The following VDR variants were observed in gnomAD, a reference collection of about 807,000 sequenced individuals.
VDR encodes the protein vitamin D3 receptor.
A neutral mutation model predicts 39.7 loss-of-function variants in VDR; 19 were observed. The ratio of observed to expected loss-of-function variants is 0.48; its 90% CI spans 0.33 to 0.70. The LOEUF (loss-of-function observed/expected upper bound fraction) is 0.70, where lower values mean the gene tolerates loss of function less well. Among genes scored for constraint, VDR ranks in the 30% least tolerant of loss-of-function variants. VDR has a pLI of 0.02. For missense variants in VDR, 442 were observed against 570.5 expected (o/e 0.77, Z 2.29); for synonymous variants, 242 against 215.8 (o/e 1.12, Z -1.07).
chr12:47,863,401 T>G (rs947635408), intron 4 of VDR, among the ~76,000 whole-genome samples: 1 of 152,192 alleles, frequency 6.6e-6, no homozygotes, highest in South Asian at 2.1e-4. Context: ...CCTGTGGCAG[T>G]GCCTTACGAA....
Position 47,844,536 on chromosome 12 carries a change from G to A in VDR, c.*210C>T. ...GTCAAACAAACAGCAACTCCTCATG[G>A]CTGAGGTCTCAAGGGACCGGGGAAA... On this transcript the variant is annotated 3_prime_UTR_variant, in exon 10 of 10. Coordinates refer to ENST00000549336, the MANE Select transcript of VDR (RefSeq NM_000376.3). 1 of 670,092 alleles carries A rather than the reference G, an allele frequency of 1.5e-6. No homozygotes were observed. The highest frequency in any genetic ancestry group is 2.5e-6 in the Non-Finnish European group (1 of 399,220). The allele number at this position is 670,092 out of a possible 1,614,324, so 41.5% of individuals were successfully genotyped here.
chr12:47,865,139 A>C lies in VDR; in HGVS notation c.185T>G (p.Phe62Cys). The change falls in exon 4 of 10, where the codon TTC (phenylalanine) becomes TGC (cysteine). Residue 62 changes from phenylalanine (F) to cysteine (C), a missense_variant. By Grantham distance (205) the Phe-to-Cys change is radical. Transcript: ENST00000549336. ...MKRKALFTCP[F>C]NGDCRITKDN... ...CTTGGTGATGCGGCAGTCCCCGTTG[A>C]AGGGGCAGGTGAATAGTGCCTTCCG... is the stretch of plus-strand genomic sequence containing the variant. The C allele has an allele frequency of 6.2e-7, 1 of 1,613,618 alleles. No homozygotes were observed. The highest frequency in any genetic ancestry group is 8.5e-7 in the Non-Finnish European group (1 of 1,179,644).
At chr12:47,854,442 G>A (rs1483804270) in intron 7 of VDR, among the ~76,000 whole-genome samples, 1 of 152,146 alleles carries the variant, frequency 6.6e-6, no homozygotes, top group Non-Finnish European at 1.5e-5. Context: ...GTCTTTAAAT[G>A]TACATTTTGG....
chr12:47,892,364 G>T (rs1384232319), intron 1 of VDR, among the ~76,000 whole-genome samples: 1 of 152,164 alleles, frequency 6.6e-6, no homozygotes, highest in Non-Finnish European at 1.5e-5. Flanking sequence ...CACTTTCAAG[G>T]GCAGCAGCAG....
intron 1 of VDR, chr12:47,896,647 C>T (rs1946470017): frequency 6.6e-6 from 1 of 152,166 alleles, no homozygotes; most frequent in Non-Finnish European, 1.5e-5. Flanking sequence ...GACACCCAAC[C>T]TCGAATTAGT....
chr12:47,844,642 C>A lies in VDR; in HGVS notation c.*104G>T. ...GGGAGGTGGCAGAGGAGGGGCTGAA[C>A]CCCAGACGGGGTGAGGAGGGCTGCT... On this transcript the variant is annotated 3_prime_UTR_variant, in exon 10 of 10. Coordinates refer to ENST00000549336, the MANE Select transcript of VDR (RefSeq NM_000376.3). 1 of 1,534,242 alleles carries A rather than the reference C, an allele frequency of 6.5e-7. No individual in the cohort carries two copies. The highest frequency in any genetic ancestry group is 1.2e-5 in the South Asian group (1 of 86,744).
At chr12:47,871,339 TTTC>T (rs1191292840) in intron 3 of VDR, among the ~76,000 whole-genome samples, 1 of 145,798 alleles carries the variant, frequency 6.9e-6, no homozygotes, top group African/African-American at 2.6e-5. Flanking sequence ...TCTTTCTTTC[TTTC>T]TTTCTTTCTT....
intron 1 of VDR, among the ~76,000 whole-genome samples, chr12:47,885,114 C>A (rs1277572544): frequency 6.6e-6 from 1 of 152,198 alleles, no homozygotes. Flanking sequence ...GAACATCCCA[C>A]TGCTTTTGCT....
chr12:47,879,011 G>GA lies in VDR; in HGVS notation c.102dup (p.His35SerfsTer8). ...CCTTCACAGGTCATAGCATTGAAGT[G>GA]AAAGCCAGTGGCTCGGTCTCCACAC... On this transcript the variant is annotated frameshift_variant, in exon 3 of 10. Transcript: ENST00000549336. LOFTEE classifies it high-confidence loss of function. 1 of 1,614,220 alleles carries GA rather than the reference G, an allele frequency of 6.2e-7. No homozygotes were observed. Among genetic ancestry groups the GA allele is most frequent in the East Asian group, 2.2e-5 (1 of 44,890 alleles).
intron 1 of VDR, among the ~76,000 whole-genome samples, chr12:47,903,528 G>A (rs1198341008): frequency 6.6e-6 from 1 of 152,148 alleles, no homozygotes; most frequent in Admixed American, 6.5e-5. Flanking sequence ...GGGAAGGGAC[G>A]GCAGGTCTCT....
chr12:47,849,658 C>G (rs901463469), intron 7 of VDR, among the ~76,000 whole-genome samples: 3 of 152,200 alleles, frequency 2.0e-5, no homozygotes, highest in Non-Finnish European at 4.4e-5. Flanking sequence ...TCACTTTTCT[C>G]TAGATGCTCA....
intron 2 of VDR, among the ~76,000 whole-genome samples, chr12:47,881,393 C>T (rs555487421): frequency 1.1e-4 from 16 of 152,206 alleles, no homozygotes; most frequent in African/African-American, 3.9e-4. Context: ...ACTATGCTCG[C>T]TACCTGGGAG....
intron 7 of VDR, among the ~76,000 whole-genome samples, chr12:47,853,175 G>A (rs1282960660): frequency 2.6e-5 from 4 of 152,204 alleles, no homozygotes; most frequent in Non-Finnish European, 5.9e-5. Flanking sequence ...GCCGGCAGTG[G>A]CTCATGCCTG....
chr12:47,892,918 T>C (rs1237677907), intron 1 of VDR, among the ~76,000 whole-genome samples: 2 of 151,950 alleles, frequency 1.3e-5, no homozygotes, highest in African/African-American at 4.8e-5. Context: ...TTTAATGTGG[T>C]GTGGTAAGAG....
intron 7 of VDR, among the ~76,000 whole-genome samples, chr12:47,854,072 T>G (rs1945437824): frequency 6.6e-6 from 1 of 152,228 alleles, no homozygotes; most frequent in African/African-American, 2.4e-5. Context: ...TAGAACTCCT[T>G]ATACTTATAT....
chr12:47,894,935 C>T (rs570034188), intron 1 of VDR, among the ~76,000 whole-genome samples: 18 of 152,218 alleles, frequency 1.2e-4, no homozygotes, highest in Non-Finnish European at 1.5e-4. Context: ...GGAAGGCCCG[C>T]GGGAGCCAGG....
Position 47,865,240 on chromosome 12 carries a change from A to T in VDR, c.147-63T>A, listed in dbSNP as rs1592117474. 8.1e-6 allele frequency: 13 copies of T among 1,597,350 alleles called. No homozygotes were observed. In the South Asian group the frequency reaches 1.2e-4, roughly 15 times the overall value. On this transcript the variant is annotated intron_variant, in intron 3 of 9. Transcript: ENST00000549336. ...ACTTCCGGCTCCTCACCCTGTCATC[A>T]CGGAGACCTGTCTTCTGGGCCCCCT...
At chr12:47,891,861 C>T (rs113891389) in intron 1 of VDR, among the ~76,000 whole-genome samples, 137 of 152,322 alleles carry the variant, frequency 9.0e-4, no homozygotes, top group African/African-American at 3.2e-3. Flanking sequence ...GATGCCGATG[C>T]CCCGCTGTCT....
intron 3 of VDR, 167 bp downstream of exon 3, chr12:47,878,798 AAAG>A: frequency 9.6e-7 from 1 of 1,036,506 alleles, no homozygotes; most frequent in Non-Finnish European, 1.4e-6. Context: ...AGAGGAGGGA[AAAG>A]AAGATACCAC....
Sources: gnomAD v4.1 joint callset for allele counts (sites outside exome capture counted in the v4.1 genomes callset) on GRCh38, gnomAD v4.1.1 for gene constraint, MANE v1.5 for transcripts, NCBI Gene and HGNC (gene_info 2026-07-23, HGNC 2026-07-21) for gene names.